TECPR2: variants seen among roughly 807,000 people sequenced by gnomAD.
The protein encoded by TECPR2 is tectonin beta-propeller repeat-containing protein 2.
A neutral mutation model predicts 138.1 loss-of-function variants in TECPR2; 65 were observed. The ratio of observed to expected loss-of-function variants is 0.47; its 90% CI spans 0.39 to 0.58. The LOEUF (loss-of-function observed/expected upper bound fraction) is 0.58, where lower values mean the gene tolerates loss of function less well. Ranked by LOEUF, TECPR2 falls within the 20% of genes least tolerant of loss-of-function variation. The pLI, the probability that TECPR2 is intolerant of heterozygous loss-of-function variation, is 0.00. For missense variants in TECPR2, 1,553 were observed against 1,824.5 expected (o/e 0.85, Z 2.71); for synonymous variants, 746 against 749.8 (o/e 0.99, Z 0.08).
chr14:102,447,229 A>G (rs1215585151), intron 13 of TECPR2, among the ~76,000 whole-genome samples: 3 of 151,764 alleles, frequency 2.0e-5, no homozygotes. Context: ...ATCACGACCC[A>G]CCTCAGCCTC....
chr14:102,470,726 A>C (rs1595142202), intron 17 of TECPR2, among the ~76,000 whole-genome samples: 1 of 124,766 alleles, frequency 8.0e-6, no homozygotes, highest in Admixed American at 8.7e-5. Flanking sequence ...TGAAACCTCC[A>C]CCTCCCAGGT....
At chr14:102,392,179 A>T (rs532503136) in intron 2 of TECPR2, among the ~76,000 whole-genome samples, 1 of 151,818 alleles carries the variant, frequency 6.6e-6, no homozygotes, top group Non-Finnish European at 1.5e-5. Context: ...TTTAGTAGAG[A>T]CGGGGTTTCA....
At position 102,438,044 on chromosome 14, in the gene TECPR2, A is replaced by G. The variant is rs1444305833; in HGVS notation, c.2417A>G (p.Tyr806Cys). The change falls in exon 10 of 20, where the codon TAC becomes TGC. Residue 806 changes from tyrosine to cysteine, a missense_variant. Coordinates refer to ENST00000359520, the MANE Select transcript of TECPR2 (RefSeq NM_014844.5). ...TAGTTTGCAGAAAGCTGGATGGGCT[A>G]CTCGGGTCCCGGCTATGGCATCCTC... The part of the protein sequence containing the change: ...PDQFAESWMG[Y>C]SGPGYGILSL... 1.2e-6 allele frequency: 2 copies of G among 1,613,892 alleles called. No individual in the cohort carries two copies. The highest frequency in any genetic ancestry group is 1.7e-5 in the Admixed American group (1 of 59,986).
rs776056002 is a variant in TECPR2 at position 102,449,749 on chromosome 14, C to T, written c.3196C>T (p.Arg1066Cys). ...APVEKVADKL[R>C]MAFWSQQLQC... ...CGTAGAAAAGGTGGCAGATAAGCTG[C>T]GCATGGCGTTTTGGTCCCAGCAGCT... Residue 1066 changes from arginine to cysteine, a missense_variant, in exon 14 of 20, where the codon CGC (arginine) becomes TGC (cysteine). Transcript: ENST00000359520. 6 of 1,614,156 alleles carry T rather than the reference C, an allele frequency of 3.7e-6. No individual in the cohort carries two copies. The highest frequency in any genetic ancestry group is 1.3e-5 in the African/African-American group (1 of 75,024).
At chr14:102,441,901 G>T (rs1415346874) in intron 11 of TECPR2, among the ~76,000 whole-genome samples, 1 of 152,198 alleles carries the variant, frequency 6.6e-6, no homozygotes, top group Non-Finnish European at 1.5e-5. Context: ...AGGAGTTATC[G>T]TCAGTTGTCC....
At chr14:102,482,596 CCT>C (rs1890916541) in intron 17 of TECPR2, among the ~76,000 whole-genome samples, 2 of 152,158 alleles carry the variant, frequency 1.3e-5, no homozygotes, top group African/African-American at 4.8e-5. Flanking sequence ...CCCGGGTCTT[CCT>C]CTCTCTGTGT....
Position 102,497,613 on chromosome 14 carries a change from G to A in TECPR2, c.3975G>A (p.Trp1325Ter). Residue 1325 changes from tryptophan to a stop codon, truncating the protein, a stop_gained, in exon 19 of 20, where the codon TGG becomes TGA. Coordinates refer to ENST00000359520, the MANE Select transcript of TECPR2 (RefSeq NM_014844.5). LOFTEE classifies it high-confidence loss of function. ...TGGCGCTGAGCACCAGGACCGTGTG[G>A]GCCCGCTGTCCAAACGGAGACCTCG... ...CQLALSTRTV[W>*]ARCPNGDLAR... is the part of the protein sequence containing the mutation. 6.2e-7 allele frequency: 1 copy of A among 1,609,200 alleles called. No homozygotes were observed. The highest frequency in any genetic ancestry group is 2.2e-5 in the East Asian group (1 of 44,604).
In TECPR2 at chr14:102,385,302, T is replaced by G. The variant is rs75664318; in HGVS notation, c.219+8362T>G. ...CATTCACCCATGAGGAGGGCATTAATCTATTCATGAGGGATCTACCCCCAT... is the reference window on the plus strand; with the variant it reads ...CATTCACCCATGAGGAGGGCATTAAGCTATTCATGAGGGATCTACCCCCAT... On this transcript the variant is annotated intron_variant, in intron 2 of 19. Transcript: ENST00000359520. Among the ~76,000 whole-genome samples, 1,224 of 152,238 alleles carry G rather than the reference T, an allele frequency of 8.0e-3. 19 individuals carry two copies. Among genetic ancestry groups the G allele is most frequent in the African/African-American group, 0.028 (1,163 of 41,522 alleles).
At chr14:102,385,439 T>A (rs1214933113) in intron 2 of TECPR2, among the ~76,000 whole-genome samples, 2 of 152,170 alleles carry the variant, frequency 1.3e-5, no homozygotes, top group African/African-American at 4.8e-5. Context: ...GCAGATATGA[T>A]AAGTCACGTG....
At chr14:102,385,795 G>A (rs1389573177) in intron 2 of TECPR2, among the ~76,000 whole-genome samples, 1 of 151,944 alleles carries the variant, frequency 6.6e-6, no homozygotes, top group African/African-American at 2.4e-5. Context: ...AATTATTCAG[G>A]CGTGATGGCG....
chr14:102,427,671 A>G (rs948199340), intron 6 of TECPR2, among the ~76,000 whole-genome samples: 1 of 152,122 alleles, frequency 6.6e-6, no homozygotes, highest in African/African-American at 2.4e-5. Context: ...TTCAAAACCC[A>G]TGAGTTGCAG....
chr14:102,418,126 G>T (rs540241963), intron 5 of TECPR2, among the ~76,000 whole-genome samples: 1 of 152,108 alleles, frequency 6.6e-6, no homozygotes, highest in Non-Finnish European at 1.5e-5. Flanking sequence ...TCTGTGGACC[G>T]GTCTGGAGCC....
At chr14:102,411,157 CT>C (rs1316554196) in intron 4 of TECPR2, among the ~76,000 whole-genome samples, 3 of 152,262 alleles carry the variant, frequency 2.0e-5, no homozygotes, top group Non-Finnish European at 2.9e-5. Flanking sequence ...CACGCCGCCC[CT>C]AATCCTGCTT....
intron 17 of TECPR2, among the ~76,000 whole-genome samples, chr14:102,481,339 G>C (rs1466065969): frequency 2.0e-5 from 3 of 152,150 alleles, no homozygotes; most frequent in African/African-American, 7.2e-5. Context: ...AGTAGAGATG[G>C]GGTTTCACTG....
At chr14:102,481,618 C>G (rs1890895840) in intron 17 of TECPR2, among the ~76,000 whole-genome samples, 1 of 152,176 alleles carries the variant, frequency 6.6e-6, no homozygotes, top group East Asian at 1.9e-4. Flanking sequence ...AGAAAGAAAA[C>G]AGAGTCACAT....
chr14:102,458,969 A>G (rs1890341799), intron 16 of TECPR2, among the ~76,000 whole-genome samples: 1 of 17,556 alleles, frequency 5.7e-5, no homozygotes, highest in Non-Finnish European at 1.2e-4. Flanking sequence ...ATACACACAT[A>G]TATATATATA....
intron 15 of TECPR2, 145 bp from the exon 16 acceptor site, chr14:102,452,249 C>T: frequency 1.4e-6 from 1 of 703,698 alleles, no homozygotes; most frequent in Non-Finnish European, 2.4e-6. Flanking sequence ...CCGCTCCTGC[C>T]CGTGTGGGAA....
chr14:102,369,415 G>A (rs1216815575), intron 1 of TECPR2, among the ~76,000 whole-genome samples: 2 of 152,048 alleles, frequency 1.3e-5, no homozygotes, highest in South Asian at 2.1e-4. Context: ...TTGAGATGGG[G>A]TCTTGCTCTG....
chr14:102,391,224 AT>A (rs1359113475), intron 2 of TECPR2, among the ~76,000 whole-genome samples: 1 of 151,774 alleles, frequency 6.6e-6, no homozygotes, highest in African/African-American at 2.4e-5. Flanking sequence ...CGCCCAACCA[AT>A]TTTTTGTATT....
Sources: allele counts gnomAD v4.1 joint callset (sites outside exome capture counted in the v4.1 genomes callset), GRCh38; gene constraint gnomAD v4.1.1; transcripts MANE v1.5; gene names NCBI Gene and HGNC (gene_info 2026-07-23, HGNC 2026-07-21).